Variants in UNC5B observed in about 807,000 individuals in gnomAD.
UNC5B encodes the protein unc-5 netrin receptor B.
Under a neutral mutation model 103.7 loss-of-function variants are expected in UNC5B, and 56 were observed. The ratio of observed to expected loss-of-function variants is 0.54; its 90% CI spans 0.44 to 0.67. UNC5B has a LOEUF of 0.67. Ranked by LOEUF, UNC5B falls within the 30% of genes least tolerant of loss-of-function variation. UNC5B has a pLI of 0.00. For missense variants in UNC5B, 1,194 were observed against 1,284.5 expected, an observed-to-expected ratio of 0.93 and a Z score of 1.08; for synonymous variants, 577 against 542.0, an observed-to-expected ratio of 1.06 and a Z score of -0.90.
chr10:71,268,581 C>T (rs1844573832), intron 1 of UNC5B, among the ~76,000 whole-genome samples: 1 of 152,218 alleles, frequency 6.6e-6, no homozygotes, highest in African/African-American at 2.4e-5. Context: ...TGACAGCAGG[C>T]AACAGGCAAG....
chr10:71,247,197 C>T (rs1158967410), intron 1 of UNC5B, among the ~76,000 whole-genome samples: 1 of 152,160 alleles, frequency 6.6e-6, no homozygotes, highest in African/African-American at 2.4e-5. Flanking sequence ...TTCCTTGAGA[C>T]AATAGGATAG....
At chr10:71,283,921 C>T (rs889505475) in intron 2 of UNC5B, among the ~76,000 whole-genome samples, 1 of 152,184 alleles carries the variant, frequency 6.6e-6, no homozygotes, top group Non-Finnish European at 1.5e-5. Flanking sequence ...CACCTCTGCA[C>T]GTGCTGAGCC....
chr10:71,276,282 G>A (rs531537353), intron 1 of UNC5B, among the ~76,000 whole-genome samples: 30 of 152,174 alleles, frequency 2.0e-4, no homozygotes, highest in Middle Eastern at 3.4e-3. Flanking sequence ...TCTGAGCGGC[G>A]CCTGGCAGGG....
chr10:71,222,453 A>C (rs1241113998), intron 1 of UNC5B, among the ~76,000 whole-genome samples: 2 of 152,218 alleles, frequency 1.3e-5, no homozygotes, highest in Admixed American at 6.5e-5. Flanking sequence ...GAACACACAC[A>C]TATACAGTCT....
intron 1 of UNC5B, among the ~76,000 whole-genome samples, chr10:71,250,177 G>C (rs1844140577): frequency 6.6e-6 from 1 of 152,232 alleles, no homozygotes; most frequent in Non-Finnish European, 1.5e-5. Flanking sequence ...CCCAGGCCCT[G>C]CTCCCCAGGA....
intron 9 of UNC5B, 90 bp downstream of exon 9, chr10:71,291,199 T>G: frequency 6.8e-7 from 1 of 1,473,296 alleles, no homozygotes; most frequent in Non-Finnish European, 9.2e-7. Context: ...GGCTCCTGAC[T>G]CCCTCCCAGG....
At chr10:71,296,049 T>G in intron 14 of UNC5B, 89 bp downstream of exon 14, 4 of 1,561,606 alleles carry the variant, frequency 2.6e-6, no homozygotes, top group Non-Finnish European at 1.7e-6. Context: ...CTCCTAGCTC[T>G]GTCCTGTGGC....
At chr10:71,232,244 G>A (rs570644419) in intron 1 of UNC5B, among the ~76,000 whole-genome samples, 1 of 152,362 alleles carries the variant, frequency 6.6e-6, no homozygotes, top group Non-Finnish European at 1.5e-5. Flanking sequence ...CAGCTGAGCT[G>A]TGTCAAAACC....
intron 10 of UNC5B, among the ~76,000 whole-genome samples, chr10:71,292,035 C>T (rs888836446): frequency 6.6e-6 from 1 of 152,186 alleles, no homozygotes; most frequent in East Asian, 1.9e-4. Context: ...GGCAGAGGAA[C>T]CTTGGGCCAG....
rs1466405495 is a variant in UNC5B at position 71,301,633 on chromosome 10, CA to C, written c.*2357del. On this transcript the variant is annotated 3_prime_UTR_variant, in exon 17 of 17. Transcript: ENST00000335350. ...CCAGGCTAGACCACACGTGCCGTGA[CA>C]GGGGGTGCCATTCCCCTCGCAGGCT... 7 of 152,260 alleles carry C rather than the reference CA, an allele frequency of 4.6e-5. No homozygotes were observed. The East Asian group carries it at 1.3e-3, about 29-fold the overall frequency. The allele number at this position is 152,260 out of a possible 1,614,324, so 9.4% of individuals were successfully genotyped here.
At chr10:71,214,938 G>A (rs1039848127) in intron 1 of UNC5B, among the ~76,000 whole-genome samples, 2 of 152,184 alleles carry the variant, frequency 1.3e-5, no homozygotes, top group Non-Finnish European at 2.9e-5. Context: ...GAGCAGAAGC[G>A]GTGTTGGAAT....
chr10:71,226,326 C>T (rs969338749), intron 1 of UNC5B, among the ~76,000 whole-genome samples: 9 of 152,314 alleles, frequency 5.9e-5, no homozygotes, highest in Middle Eastern at 3.4e-3. Context: ...CCGCTTGCCT[C>T]GGCCTCCCAA....
In UNC5B at chr10:71,213,680, T is replaced by TTATTATTATTAC. The variant is rs1394975063; in HGVS notation, c.79+627_79+628insCTATTATTATTA. ...TGGGCCCGCAGGTCTGGAAGAATTA[T>TTATTATTATTAC]TATTATTATTATTATTATTATTATT... On this transcript the variant is annotated intron_variant, in intron 1 of 16. Coordinates refer to ENST00000335350, the MANE Select transcript of UNC5B (RefSeq NM_170744.5). The surrounding 1 kb of genome is among the most constrained non-coding windows in gnomAD (Gnocchi z 4.1). Among the ~76,000 whole-genome samples, 192 of 126,196 alleles carry TTATTATTATTAC rather than the reference T, an allele frequency of 1.5e-3. No individual in the cohort carries two copies. The highest frequency in any genetic ancestry group is 8.1e-3 in the Middle Eastern group (2 of 246). 82.8% of individuals were successfully genotyped at this position (126,196 alleles called of 152,430 possible). A position where few individuals can be genotyped will look rare whatever the true frequency, so the allele number is the denominator to read the frequency against.
chr10:71,291,892 C>T, intron 10 of UNC5B, 71 bp downstream of exon 10: 2 of 1,502,792 alleles, frequency 1.3e-6, no homozygotes, highest in Non-Finnish European at 1.8e-6. Context: ...CAACACCCAT[C>T]CAGCAGAAGA....
chr10:71,301,772 G>A lies in UNC5B; in HGVS notation c.*2495G>A, dbSNP rs898951528. 6.9e-6 allele frequency: 1 copy of A among 145,612 alleles called. No individual in the cohort carries two copies. Among genetic ancestry groups the A allele is most frequent in the African/African-American group, 2.8e-5 (1 of 35,128 alleles). 9.0% of individuals were successfully genotyped at this position (145,612 alleles called of 1,614,324 possible). A position where few individuals can be genotyped will look rare whatever the true frequency, so the allele number is the denominator to read the frequency against. On this transcript the variant is annotated 3_prime_UTR_variant, in exon 17 of 17. Transcript: ENST00000335350. ...ATCACTGCCTTCTCTGGGCTTCAGT[G>A]TCCTTTTCATACCTAGAAGTCTGCG... is the stretch of plus-strand genomic sequence containing the variant.
chr10:71,219,326 A>T (rs1186435047), intron 1 of UNC5B, among the ~76,000 whole-genome samples: 1 of 152,172 alleles, frequency 6.6e-6, no homozygotes, highest in Non-Finnish European at 1.5e-5. Context: ...TCACACGATC[A>T]CAAGGTCCCA....
At position 71,248,465 on chromosome 10, in the gene UNC5B, G is replaced by A. The variant is rs535897799; in HGVS notation, c.80-31356G>A. On this transcript the variant is annotated intron_variant, in intron 1 of 16. Transcript: ENST00000335350. ...TGAGTTGGCACTTTTCTCTTTGAGT[G>A]TTAAACTCAGCTCTTCCTTTTTCTC... Among the ~76,000 whole-genome samples, 3 of 152,330 alleles carry A rather than the reference G, an allele frequency of 2.0e-5. No individual in the cohort carries two copies. The East Asian group carries it at 5.8e-4, about 29-fold the overall frequency.
At chr10:71,275,154 CT>C (rs1326224987) in intron 1 of UNC5B, among the ~76,000 whole-genome samples, 6 of 152,208 alleles carry the variant, frequency 3.9e-5, no homozygotes, top group Admixed American at 1.3e-4. Flanking sequence ...AGGGATGTGT[CT>C]TCTTTCATAG....
chr10:71,242,256 C>A lies in UNC5B; in HGVS notation c.79+29192C>A, dbSNP rs896745762. On this transcript the variant is annotated intron_variant, in intron 1 of 16. Coordinates refer to ENST00000335350, the MANE Select transcript of UNC5B (RefSeq NM_170744.5). ...ATGACATGTGACCTCGCCCCACCTCCCCCTGGGTGAGATGATCTCCTTTGT... is the reference window on the plus strand; with the variant it reads ...ATGACATGTGACCTCGCCCCACCTCACCCTGGGTGAGATGATCTCCTTTGT... 4.6e-5 allele frequency among the ~76,000 whole-genome samples: 7 copies of A among 152,214 alleles called. No individual in the cohort carries two copies. The East Asian group carries it at 1.4e-3, about 29-fold the overall frequency.
Sources: allele counts gnomAD v4.1 joint callset (sites outside exome capture counted in the v4.1 genomes callset), GRCh38; gene constraint gnomAD v4.1.1; non-coding constraint Gnocchi (gnomAD v3.1); transcripts MANE v1.5; gene names NCBI Gene and HGNC (gene_info 2026-07-23, HGNC 2026-07-21).